EIF4G1: variants seen among roughly 807,000 people sequenced by gnomAD.
The protein encoded by EIF4G1 is EIF4-gamma.
EIF4G1 carries 4 observed loss-of-function variants against 187.8 expected under a neutral mutation model. That is an observed-to-expected ratio of 0.02 (90% CI 0.01 to 0.05). The LOEUF is 0.05. EIF4G1 is among the 10% of genes least tolerant of loss of function. The pLI is 1.00. For missense variants in EIF4G1, 1,647 were observed against 2,081.1 expected (o/e 0.79, Z 4.06); for synonymous variants, 844 against 781.4 (o/e 1.08, Z -1.34).
chr3:184,315,331 A>G (rs1296397033), intron 1 of EIF4G1, 158 bp from the exon 2 acceptor site: 1 of 512,138 alleles, frequency 2.0e-6, no homozygotes, highest in Non-Finnish European at 3.9e-6. Context: ...GCCAGGCCCG[A>G]ACCCGGTGTC....
chr3:184,318,989 G>A (rs1001152099), intron 6 of EIF4G1, among the ~76,000 whole-genome samples: 1 of 151,566 alleles, frequency 6.6e-6, no homozygotes, highest in Non-Finnish European at 1.5e-5. Context: ...CAGGAGGATC[G>A]CTTGAACCCG....
In EIF4G1 at chr3:184,320,731, T is replaced by A. The variant is rs1474203694; in HGVS notation, c.630+9T>A. ...CACCCACCCCTCCCCAGGTACTGTC[T>A]GCTTTTCGAGTGATACCCTGGCTGG... On this transcript the variant is annotated intron_variant, in intron 8 of 32. Transcript: ENST00000346169. 2.5e-6 allele frequency: 4 copies of A among 1,614,028 alleles called. No individual in the cohort carries two copies. Among genetic ancestry groups the A allele is most frequent in the Admixed American group, 3.3e-5 (2 of 59,996 alleles).
rs770840544 is a variant in EIF4G1, at chr3:184,316,167, G to A, written c.96G>A (p.Val32=). 1.9e-6 allele frequency: 3 copies of A among 1,614,012 alleles called. No individual in the cohort carries two copies. Among genetic ancestry groups the A allele is most frequent in the South Asian group, 2.2e-5 (2 of 91,092 alleles). ...CCCCGGGGCAGACAGCGCCGGTGGT[G>A]TTCAGTACGCCACAAGCGACACAAA... is the stretch of plus-strand genomic sequence containing the variant. The part of the protein sequence containing the change: ...AFPPGQTAPV[V]FSTPQATQMN... Residue 32 remains valine, a synonymous_variant, in exon 4 of 33, where the codon GTG becomes GTA. Coordinates refer to ENST00000346169, the MANE Select transcript of EIF4G1 (RefSeq NM_198241.3).
chr3:184,316,760 A>G, intron 4 of EIF4G1: 1 of 1,594,684 alleles, frequency 6.3e-7, no homozygotes, highest in Non-Finnish European at 8.5e-7. Flanking sequence ...AACCCTGGAC[A>G]GTCTTCTGGT....
intron 24 of EIF4G1, 30 bp from the exon 25 acceptor site, chr3:184,327,556 G>A: frequency 1.9e-6 from 3 of 1,613,678 alleles, no homozygotes; most frequent in Non-Finnish European, 2.5e-6. Context: ...AGACTGAAAA[G>A]TCCCTCTAAT....
At chr3:184,329,355 G>C (rs3926065) in intron 28 of EIF4G1, among the ~76,000 whole-genome samples, 1 of 152,200 alleles carries the variant, frequency 6.6e-6, no homozygotes, top group Admixed American at 6.5e-5. Flanking sequence ...GAAATGGGCC[G>C]GGCGCAGTGG....
At position 184,325,759 on chromosome 3, in the gene EIF4G1, A is replaced by G. The variant is rs1724763371; in HGVS notation, c.3122-92A>G. The G allele has an allele frequency of 1.9e-6, 3 of 1,610,714 alleles. No individual in the cohort carries two copies. In the East Asian group the frequency reaches 6.7e-5, roughly 36 times the overall value. On this transcript the variant is annotated intron_variant, in intron 20 of 32. Coordinates refer to ENST00000346169, the MANE Select transcript of EIF4G1 (RefSeq NM_198241.3). The surrounding 1 kb of genome is among the most constrained non-coding windows in gnomAD (Gnocchi z 5.2). ...CCACTGAGACACCATGATGGAACTG[A>G]GGATCTGAGGAAGGGAGGCTGGGGG...
intron 27 of EIF4G1, 65 bp from the exon 28 acceptor site, chr3:184,328,844 G>A: frequency 1.2e-6 from 2 of 1,613,992 alleles, no homozygotes; most frequent in Non-Finnish European, 1.7e-6. Context: ...CTGGTTTGGA[G>A]GGAGATGGAG....
At chr3:184,327,068 C>G in intron 23 of EIF4G1, 85 bp downstream of exon 23, 1 of 1,588,472 alleles carries the variant, frequency 6.3e-7, no homozygotes, top group Non-Finnish European at 8.6e-7. Flanking sequence ...GAAATTTCTT[C>G]ATACCTGTCC....
chr3:184,331,951 A>G lies in EIF4G1; in HGVS notation c.4483A>G (p.Thr1495Ala). 3.7e-6 allele frequency: 6 copies of G among 1,613,622 alleles called. No homozygotes were observed. Among genetic ancestry groups the G allele is most frequent in the Non-Finnish European group, 5.1e-6 (6 of 1,179,924 alleles). Residue 1495 changes from threonine to alanine, a missense_variant, in exon 32 of 33, where the codon ACT becomes GCT. Coordinates refer to ENST00000346169, the MANE Select transcript of EIF4G1 (RefSeq NM_198241.3). Reference protein sequence around the residue: ...AVCYSAIIFETPLRVDVAVLK... With the variant: ...AVCYSAIIFEAPLRVDVAVLK... Reference sequence around the variant, plus strand: ...TCATCCCTGTCTTCTTGTAGTTGAGACTCCCCTCCGAGTGGACGTTGCAGT... The same window carrying G: ...TCATCCCTGTCTTCTTGTAGTTGAGGCTCCCCTCCGAGTGGACGTTGCAGT...
rs116197254 is a variant in EIF4G1 at position 184,333,178 on chromosome 3, G to A, written c.4618+1092G>A. Among the ~76,000 whole-genome samples, 708 of 152,244 alleles carry A rather than the reference G, an allele frequency of 4.7e-3. 3 individuals are homozygous for A. Among genetic ancestry groups the A allele is most frequent in the African/African-American group, 0.016 (678 of 41,522 alleles). On this transcript the variant is annotated intron_variant, in intron 32 of 32. Transcript: ENST00000346169. Reference sequence around the variant, plus strand: ...GGGCCGTGAGAGATTAGAAGTCATGGATGACTCCCAGGATGGTTTTTAAAT... The same window carrying A: ...GGGCCGTGAGAGATTAGAAGTCATGAATGACTCCCAGGATGGTTTTTAAAT...
chr3:184,331,829 T>C lies in EIF4G1; in HGVS notation c.4477+20T>C, dbSNP rs1726166434. On this transcript the variant is annotated intron_variant, in intron 31 of 32. Coordinates refer to ENST00000346169, the MANE Select transcript of EIF4G1 (RefSeq NM_198241.3). ...TTATTTGTAAGAGGAACCAGGGAGA[T>C]GGAGGGGCAAGGGTGGGCCTGACAG... The C allele has an allele frequency of 3.7e-6, 6 of 1,614,084 alleles. No individual in the cohort carries two copies. The East Asian group carries it at 1.3e-4, about 36-fold the overall frequency.
chr3:184,325,038 A>C lies in EIF4G1; in HGVS notation c.2780A>C (p.His927Pro). 6.2e-7 allele frequency: 1 copy of C among 1,614,226 alleles called. No individual in the cohort carries two copies. The highest frequency in any genetic ancestry group is 8.5e-7 in the Non-Finnish European group (1 of 1,180,040). Reference sequence around the variant, plus strand: ...TGTGTGGTCAAACTGCTTAAGAACCATGATGAAGAGTCCCTTGAGTGCCTT... The same window carrying C: ...TGTGTGGTCAAACTGCTTAAGAACCCTGATGAAGAGTCCCTTGAGTGCCTT... ...HDCVVKLLKNHDEESLECLCR... is the reference protein window; with the variant it reads ...HDCVVKLLKNPDEESLECLCR... Residue 927 changes from histidine to proline, a missense_variant, in exon 18 of 33, where the codon CAT becomes CCT. This residue lies in a region of EIF4G1 where 142 missense variants were observed against 296.6 expected (regional missense o/e 0.48). Coordinates refer to ENST00000346169, the MANE Select transcript of EIF4G1 (RefSeq NM_198241.3). The surrounding 1 kb of genome is among the most constrained non-coding windows in gnomAD (Gnocchi z 5.2).
chr3:184,315,907 T>TCCAGCCTCTGGATCTTCCTACC (rs1442310387), intron 3 of EIF4G1, 51 bp downstream of exon 3: 2 of 1,452,978 alleles, frequency 1.4e-6, no homozygotes, highest in Admixed American at 4.2e-5. Context: ...CCAGGCAGTC[T>TCCAGCCTCTGGATCTTCCTACC]CCAGCCTCTG....
chr3:184,331,169 G>T, intron 28 of EIF4G1, 97 bp from the exon 29 acceptor site: 1 of 1,302,294 alleles, frequency 7.7e-7, no homozygotes, highest in African/African-American at 1.4e-5. Context: ...GTACCTAGTA[G>T]GCTTTCAGTA....
chr3:184,327,487 C>T, intron 24 of EIF4G1, 39 bp downstream of exon 24: 2 of 1,611,894 alleles, frequency 1.2e-6, no homozygotes, highest in Non-Finnish European at 1.7e-6. Flanking sequence ...AAGGCATTGG[C>T]TGCCTTGGGA....
In EIF4G1 at chr3:184,323,563, G is replaced by C. The variant is rs772021435; in HGVS notation, c.2244G>C (p.Gly748=). 12 of 1,614,038 alleles carry C rather than the reference G, an allele frequency of 7.4e-6. No individual in the cohort carries two copies. Among genetic ancestry groups the C allele is most frequent in the African/African-American group, 1.3e-5 (1 of 74,926 alleles). ...SKRTAADKDR[G]EEDADGSKTQ... ...GGACGGCGGCTGATAAGGATCGAGG[G>C]GAAGAAGATGCTGATGGCAGCAAAA... Residue 748 remains glycine, a synonymous_variant, in exon 15 of 33, where the codon GGG becomes GGC. Transcript: ENST00000346169. This position sits in a 1 kb window ranked among gnomAD's most constrained non-coding sequence, Gnocchi z 6.9.
intron 6 of EIF4G1, among the ~76,000 whole-genome samples, chr3:184,318,489 C>T (rs1212971386): frequency 2.6e-5 from 4 of 152,096 alleles, no homozygotes; most frequent in East Asian, 1.9e-4. Flanking sequence ...CGGTGGCTCA[C>T]GCCTGTAGTC....
intron 5 of EIF4G1, 78 bp from the exon 6 acceptor site, chr3:184,317,639 C>G (rs1052986828): frequency 9.1e-6 from 14 of 1,534,216 alleles, no homozygotes; most frequent in Non-Finnish European, 1.8e-6. Flanking sequence ...CTTGTCTTGA[C>G]CTATGTTCTT....
Sources: gnomAD v4.1 joint callset for allele counts (sites outside exome capture counted in the v4.1 genomes callset) on GRCh38, gnomAD v4.1.1 for gene constraint, gnomAD v4.1.1 regional missense constraint, Gnocchi (gnomAD v3.1) non-coding constraint, MANE v1.5 for transcripts, NCBI Gene and HGNC (gene_info 2026-07-23, HGNC 2026-07-21) for gene names.